Variants in FRMPD2 observed in about 807,000 individuals in gnomAD.
The protein encoded by FRMPD2 is FERM and PDZ domain containing 2.
Under a neutral mutation model 140.1 loss-of-function variants are expected in FRMPD2, and 96 were observed. The observed-to-expected ratio is 0.69, with a 90% CI of 0.58 to 0.81. FRMPD2 has a LOEUF of 0.81. FRMPD2 is among the 40% of genes least tolerant of loss of function. The probability of loss-of-function intolerance (pLI) is 0.00; values close to 1 mark genes in which losing one functional copy is unlikely to be tolerated. For missense variants in FRMPD2, 1,240 were observed against 1,447.4 expected (o/e 0.86, Z 2.32); for synonymous variants, 449 against 547.6 (o/e 0.82, Z 2.52).
intron 1 of FRMPD2, among the ~76,000 whole-genome samples, chr10:48,274,114 T>C (rs1173612785): frequency 6.6e-6 from 1 of 152,214 alleles, no homozygotes; most frequent in African/African-American, 2.4e-5. Context: ...GCTACTCAAA[T>C]GCTCCAAGTA....
At chr10:48,182,188 G>C (rs1001922352) in intron 20 of FRMPD2, among the ~76,000 whole-genome samples, 2 of 152,108 alleles carry the variant, frequency 1.3e-5, no homozygotes, top group African/African-American at 4.8e-5. Flanking sequence ...GCAGGGAGTG[G>C]CAGGGCCACT....
At chr10:48,162,131 A>C (rs1247913868) in intron 28 of FRMPD2, among the ~76,000 whole-genome samples, 1 of 149,438 alleles carries the variant, frequency 6.7e-6, no homozygotes, top group Non-Finnish European at 1.5e-5. Context: ...TATTTTATCA[A>C]GTATGTCAAT....
Position 48,219,852 on chromosome 10 carries a change from G to C in FRMPD2, c.1455+2461C>G, listed in dbSNP as rs145802522. On this transcript the variant is annotated intron_variant, in intron 12 of 28. Coordinates refer to ENST00000374201, the MANE Select transcript of FRMPD2 (RefSeq NM_001018071.4). ...GCTGCAGGGGCAAGGGCTTGGCCAA[G>C]ATTAGGATTGCCATTTGAGAAGAGT... Among the ~76,000 whole-genome samples the C allele has an allele frequency of 7.8e-4, 119 of 152,320 alleles. 2 individuals carry two copies. The East Asian group carries it at 0.022, about 28-fold the overall frequency.
At chr10:48,244,747 A>G (rs1840205160) in intron 4 of FRMPD2, 37 bp downstream of exon 4, 7 of 1,539,458 alleles carry the variant, frequency 4.5e-6, no homozygotes, top group South Asian at 1.1e-5. Flanking sequence ...ACCCAGAGAC[A>G]CAGCCCGGCA....
rs1172048042 is a variant in FRMPD2 at position 48,232,102 on chromosome 10, A to G, written c.1168+13T>C. 2 of 1,614,038 alleles carry G rather than the reference A, an allele frequency of 1.2e-6. No individual in the cohort carries two copies. The highest frequency in any genetic ancestry group is 8.5e-7 in the Non-Finnish European group (1 of 1,179,904). On this transcript the variant is annotated intron_variant, in intron 10 of 28. Coordinates refer to ENST00000374201, the MANE Select transcript of FRMPD2 (RefSeq NM_001018071.4). ...GCACCAGGCCAGCTGTGAGCTGCCC[A>G]AGAGATGCTTACTTTTCATATACGC... is the stretch of plus-strand genomic sequence containing the variant.
chr10:48,200,181 T>A (rs1839049915), intron 15 of FRMPD2, among the ~76,000 whole-genome samples: 1 of 147,646 alleles, frequency 6.8e-6, no homozygotes, highest in Non-Finnish European at 1.5e-5. Flanking sequence ...AATAAATAAA[T>A]AAATAAATAA....
intron 20 of FRMPD2, among the ~76,000 whole-genome samples, chr10:48,183,864 G>T (rs7476217): frequency 3.5e-5 from 2 of 57,670 alleles, no homozygotes; most frequent in Non-Finnish European, 3.9e-5. Context: ...AAAAAAAAAA[G>T]GAAAATCAAA....
chr10:48,221,039 T>C (rs911892694), intron 12 of FRMPD2, among the ~76,000 whole-genome samples: 18 of 152,058 alleles, frequency 1.2e-4, no homozygotes, highest in African/African-American at 4.1e-4. Context: ...GGAGAGTCCT[T>C]AAAGAACTAA....
chr10:48,259,943 T>C (rs57415323), intron 1 of FRMPD2, among the ~76,000 whole-genome samples: 5,952 of 152,144 alleles, frequency 0.039, 388 homozygotes, highest in African/African-American at 0.14. Context: ...AGATACCTAC[T>C]GTATTAGGGT....
intron 28 of FRMPD2, chr10:48,159,020 G>A: frequency 2.8e-6 from 1 of 351,656 alleles, no homozygotes. Context: ...AAGCAGATTG[G>A]GCATTTCAGG....
At chr10:48,271,685 A>G (rs1368614515) in intron 1 of FRMPD2, among the ~76,000 whole-genome samples, 2 of 152,262 alleles carry the variant, frequency 1.3e-5, no homozygotes, top group Admixed American at 6.5e-5. Flanking sequence ...CGACCAGTAA[A>G]AGGAAGCCTG....
At chr10:48,242,092 A>T (rs145872135) in intron 5 of FRMPD2, 69 bp downstream of exon 5, 43 of 1,094,112 alleles carry the variant, frequency 3.9e-5, no homozygotes, top group Non-Finnish European at 5.1e-5. Context: ...TGATAATATA[A>T]CTAATTCAAA....
upstream of FRMPD2, chr10:48,274,822 A>G: frequency 2.0e-6 from 1 of 498,270 alleles, no homozygotes; most frequent in South Asian, 2.9e-5. Context: ...CCACCCCAGC[A>G]GCCTGCGTCC....
chr10:48,184,806 C>A lies in FRMPD2; in HGVS notation c.2435G>T (p.Gly812Val), dbSNP rs757501146. Residue 812 changes from glycine (G) to valine (V), a missense_variant, in exon 19 of 29, where the codon GGA becomes GTA. Gly to Val is a moderately radical substitution (Grantham distance 109, BLOSUM62 -3). Around this residue, in one of 6 missense-constraint regions of FRMPD2, gnomAD observed 1,161 missense variants for 1,055.9 expected, o/e 1.10. Coordinates refer to ENST00000374201, the MANE Select transcript of FRMPD2 (RefSeq NM_001018071.4). ...GATCGTTTTTGCTTTTTCTGCTGGT[C>A]CTCCAGGTATAATAGAAGATATAAA... ...GIFISSIIPG[G>V]PAEKAKTIKP... The A allele has an allele frequency of 1.9e-6, 3 of 1,613,728 alleles. No individual in the cohort carries two copies. Among genetic ancestry groups the A allele is most frequent in the Non-Finnish European group, 2.5e-6 (3 of 1,179,872 alleles).
At chr10:48,250,916 C>A (rs1048578761) in intron 2 of FRMPD2, among the ~76,000 whole-genome samples, 1 of 151,734 alleles carries the variant, frequency 6.6e-6, no homozygotes, top group Non-Finnish European at 1.5e-5. Flanking sequence ...CCTGTCTCCG[C>A]CTCCCGAGTA....
At chr10:48,161,652 A>G (rs1837944546) in intron 28 of FRMPD2, among the ~76,000 whole-genome samples, 1 of 151,402 alleles carries the variant, frequency 6.6e-6, no homozygotes, top group Admixed American at 6.6e-5. Flanking sequence ...CAGTAACTAG[A>G]TGATGATAAA....
intron 2 of FRMPD2, 93 bp downstream of exon 2, chr10:48,251,473 A>ATAAGAAAAAAAATTT (rs141795119): frequency 1.3e-6 from 2 of 1,516,650 alleles, no homozygotes; most frequent in African/African-American, 2.8e-5. Context: ...TCAGAGGTTG[A>ATAAGAAAAAAAATTT]TTTAAAAAAG....
intron 9 of FRMPD2, among the ~76,000 whole-genome samples, chr10:48,234,226 G>C (rs1288947037): frequency 6.6e-6 from 1 of 152,136 alleles, no homozygotes; most frequent in African/African-American, 2.4e-5. Flanking sequence ...TTCACCTTGT[G>C]AATATCCCTA....
At chr10:48,231,522 T>C (rs1839846735) in intron 10 of FRMPD2, among the ~76,000 whole-genome samples, 1 of 152,222 alleles carries the variant, frequency 6.6e-6, no homozygotes, top group Non-Finnish European at 1.5e-5. Context: ...TACTTCTCTC[T>C]TTGTCTATAA....
Sources: gnomAD v4.1 joint callset for allele counts (sites outside exome capture counted in the v4.1 genomes callset) on GRCh38, gnomAD v4.1.1 for gene constraint, gnomAD v4.1.1 regional missense constraint, MANE v1.5 for transcripts, NCBI Gene and HGNC (gene_info 2026-07-23, HGNC 2026-07-21) for gene names.